The following SRD5A2 variants were observed in gnomAD, a reference collection of about 807,000 sequenced individuals.
The protein encoded by SRD5A2 is steroid 5 alpha-reductase 2.
A neutral mutation model predicts 27.4 loss-of-function variants in SRD5A2; 30 were observed. The observed-to-expected ratio is 1.10, with a 90% CI of 0.82 to 1.49. The LOEUF (loss-of-function observed/expected upper bound fraction) is 1.49, where lower values mean the gene tolerates loss of function less well. SRD5A2 is among the 40% of genes most tolerant of loss of function. SRD5A2 has a pLI of 0.00. For missense variants in SRD5A2, 348 were observed against 323.4 expected, an observed-to-expected ratio of 1.08 and a Z score of -0.58; for synonymous variants, 141 against 133.6, an observed-to-expected ratio of 1.06 and a Z score of -0.38.
At chr2:31,639,005 C>T in the SRD5A2 span, among the ~76,000 whole-genome samples, 3,327 of 151,968 alleles carry the variant, frequency 0.022, 41 homozygotes, top group South Asian at 0.045. Context: ...CCTTCTTTTC[C>T]TACTATCTTC....
chr2:31,537,780 G>A (rs539550622), intron 1 of SRD5A2, among the ~76,000 whole-genome samples: 10 of 152,282 alleles, frequency 6.6e-5, no homozygotes, highest in African/African-American at 2.4e-4. Context: ...GAAAGGTGGG[G>A]CCTTTTAGGA....
chr2:31,589,490 T>G, the SRD5A2 span, among the ~76,000 whole-genome samples: 1 of 152,216 alleles, frequency 6.6e-6, no homozygotes, highest in Non-Finnish European at 1.5e-5. Flanking sequence ...ACAGACACCT[T>G]GGCACCTGCC....
chr2:31,626,775 T>C, the SRD5A2 span, among the ~76,000 whole-genome samples: 1 of 152,180 alleles, frequency 6.6e-6, no homozygotes, highest in Non-Finnish European at 1.5e-5. Flanking sequence ...ATATTGAGGA[T>C]TTTTGCGTCA....
the SRD5A2 span, among the ~76,000 whole-genome samples, chr2:31,630,794 C>T: frequency 6.6e-6 from 1 of 152,128 alleles, no homozygotes; most frequent in African/African-American, 2.4e-5. Context: ...ACTGAAAATT[C>T]CCTTAACCCA....
chr2:31,548,561 C>A (rs1448492745), intron 1 of SRD5A2, among the ~76,000 whole-genome samples: 1 of 152,038 alleles, frequency 6.6e-6, no homozygotes, highest in Non-Finnish European at 1.5e-5. Context: ...ATTAAGATGG[C>A]TACTATTAAG....
chr2:31,660,795 T>G, the SRD5A2 span, among the ~76,000 whole-genome samples: 6,811 of 152,062 alleles, frequency 0.045, 196 homozygotes, highest in Admixed American at 0.08. Flanking sequence ...CATAAAAGAT[T>G]GATTAAATAA....
At chr2:31,570,608 A>C (rs191971075) in intron 1 of SRD5A2, among the ~76,000 whole-genome samples, 2 of 152,336 alleles carry the variant, frequency 1.3e-5, no homozygotes, top group Admixed American at 6.5e-5. Flanking sequence ...AGATGATGTG[A>C]TTCTATACCT....
chr2:31,590,353 T>A, the SRD5A2 span, among the ~76,000 whole-genome samples: 14 of 152,208 alleles, frequency 9.2e-5, no homozygotes, highest in Non-Finnish European at 2.1e-4. Flanking sequence ...TTTATTTCAC[T>A]GAGCAGTGGT....
At chr2:31,569,786 T>A (rs1666816242) in intron 1 of SRD5A2, among the ~76,000 whole-genome samples, 1 of 151,286 alleles carries the variant, frequency 6.6e-6, no homozygotes, top group Admixed American at 6.6e-5. Flanking sequence ...AAACTACAAA[T>A]CTTGTAGAAG....
chr2:31,542,411 C>G (rs1015860740), intron 1 of SRD5A2, among the ~76,000 whole-genome samples: 1 of 152,064 alleles, frequency 6.6e-6, no homozygotes. Context: ...ACTCAAGAGG[C>G]TAAGGCAGAA....
intron 1 of SRD5A2, among the ~76,000 whole-genome samples, chr2:31,549,940 A>T (rs1171623732): frequency 6.6e-6 from 1 of 152,182 alleles, no homozygotes; most frequent in African/African-American, 2.4e-5. Context: ...AGCAGAATGC[A>T]CATTCTTTTC....
At chr2:31,643,541 T>A in the SRD5A2 span, among the ~76,000 whole-genome samples, 2 of 152,126 alleles carry the variant, frequency 1.3e-5, no homozygotes, top group African/African-American at 4.8e-5. Flanking sequence ...CAGGGCAATG[T>A]GCATACGTAG....
At chr2:31,650,264 A>AT in the SRD5A2 span, among the ~76,000 whole-genome samples, 1 of 152,104 alleles carries the variant, frequency 6.6e-6, no homozygotes, top group Non-Finnish European at 1.5e-5. Context: ...AGATAGGTTT[A>AT]TTTTTTGTAT....
chr2:31,583,652 C>CAAAAAAAAAAAAA (rs1352139998), upstream of SRD5A2, among the ~76,000 whole-genome samples: 3 of 20,916 alleles, frequency 1.4e-4, no homozygotes, highest in African/African-American at 2.7e-4. Flanking sequence ...AAAAAAAAAC[C>CAAAAAAAAAAAAA]AAAAAAAAAG....
intron 1 of SRD5A2, among the ~76,000 whole-genome samples, chr2:31,554,894 T>C (rs960568972): frequency 5.3e-5 from 8 of 151,444 alleles, no homozygotes; most frequent in Non-Finnish European, 8.8e-5. Flanking sequence ...TGGTGATGAA[T>C]AGTCCTGGTA....
At chr2:31,616,320 C>A in the SRD5A2 span, among the ~76,000 whole-genome samples, 2 of 152,200 alleles carry the variant, frequency 1.3e-5, no homozygotes, top group African/African-American at 4.8e-5. Flanking sequence ...GGGCCACCAT[C>A]CTCCAGATCC....
At chr2:31,628,293 C>T in the SRD5A2 span, among the ~76,000 whole-genome samples, 4 of 151,860 alleles carry the variant, frequency 2.6e-5, no homozygotes, top group African/African-American at 9.7e-5. Flanking sequence ...AACAGCAACC[C>T]CTGCTTTTCT....
At chr2:31,641,399 G>C in the SRD5A2 span, among the ~76,000 whole-genome samples, 1 of 152,046 alleles carries the variant, frequency 6.6e-6, no homozygotes, top group African/African-American at 2.4e-5. Flanking sequence ...AAGTATCTTT[G>C]AAAAATGAGG....
At chr2:31,588,890 T>C in the SRD5A2 span, among the ~76,000 whole-genome samples, 1 of 152,132 alleles carries the variant, frequency 6.6e-6, no homozygotes, top group Admixed American at 6.5e-5. Context: ...AGCTCCTGCT[T>C]GGAATGGACA....
Sources: allele counts gnomAD v4.1 joint callset (sites outside exome capture counted in the v4.1 genomes callset), GRCh38; gene constraint gnomAD v4.1.1; transcripts MANE v1.5; gene names NCBI Gene and HGNC (gene_info 2026-07-23, HGNC 2026-07-21).